SPOCK1: variants seen among roughly 807,000 people sequenced by gnomAD.
SPOCK1 encodes SPARC (osteonectin), cwcv and kazal like domains proteoglycan 1, also known as testican-1.
A neutral mutation model predicts 55.3 loss-of-function variants in SPOCK1; 23 were observed. The ratio of observed to expected loss-of-function variants is 0.42; its 90% CI spans 0.30 to 0.59. The LOEUF (loss-of-function observed/expected upper bound fraction) is 0.59. Among genes scored for constraint, SPOCK1 ranks in the 20% least tolerant of loss-of-function variants. SPOCK1 has a pLI of 0.22. For synonymous variants in SPOCK1, 226 were observed against 221.0 expected (o/e 1.02, Z -0.20); for missense variants, 499 against 552.5 (o/e 0.90, Z 0.97).
At chr5:137,088,799 G>T (rs1753005384) in intron 5 of SPOCK1, among the ~76,000 whole-genome samples, 1 of 152,176 alleles carries the variant, frequency 6.6e-6, no homozygotes, top group Admixed American at 6.5e-5. Context: ...CATGGGGGTT[G>T]AAAGATGGAA....
intron 2 of SPOCK1, among the ~76,000 whole-genome samples, chr5:137,361,971 C>T (rs80046826): frequency 6.6e-6 from 1 of 152,278 alleles, no homozygotes; most frequent in Non-Finnish European, 1.5e-5. Flanking sequence ...CTTAAGTGTT[C>T]CTCTCAGCCC....
At chr5:137,244,340 T>C (rs1044661486) in intron 3 of SPOCK1, among the ~76,000 whole-genome samples, 1 of 152,212 alleles carries the variant, frequency 6.6e-6, no homozygotes, top group Non-Finnish European at 1.5e-5. Context: ...GGAAACCCAC[T>C]GTCTTTAAGG....
At chr5:137,406,489 C>T (rs739699) in intron 2 of SPOCK1, among the ~76,000 whole-genome samples, 120,017 of 152,144 alleles carry the variant, frequency 0.79, 47,704 homozygotes, top group East Asian at 0.91. Context: ...CAGTCTATCC[C>T]GAGCACTGGA....
intron 3 of SPOCK1, among the ~76,000 whole-genome samples, chr5:137,231,853 C>T (rs1022395502): frequency 6.6e-6 from 1 of 152,246 alleles, no homozygotes; most frequent in African/African-American, 2.4e-5. Flanking sequence ...AGTTTCTCCA[C>T]AACCTTGCCA....
At chr5:137,213,178 C>A (rs567736868) in intron 3 of SPOCK1, among the ~76,000 whole-genome samples, 2 of 152,166 alleles carry the variant, frequency 1.3e-5, no homozygotes, top group Non-Finnish European at 2.9e-5. Flanking sequence ...CACCCCAGCA[C>A]CACTGTAGTC....
chr5:137,402,710 G>GT (rs1439692346), intron 2 of SPOCK1, among the ~76,000 whole-genome samples: 1 of 152,170 alleles, frequency 6.6e-6, no homozygotes, highest in Admixed American at 6.5e-5. Flanking sequence ...ATTTCACTGA[G>GT]TGAGGGGAAA....
chr5:137,308,058 CA>C (rs1757729350), intron 2 of SPOCK1, among the ~76,000 whole-genome samples: 1 of 152,168 alleles, frequency 6.6e-6, no homozygotes, highest in African/African-American at 2.4e-5. Context: ...AGTAAATGCT[CA>C]ACAAACAGCA....
chr5:137,040,977 C>CA (rs1397679360), intron 6 of SPOCK1, among the ~76,000 whole-genome samples: 5 of 152,024 alleles, frequency 3.3e-5, no homozygotes, highest in Admixed American at 2.6e-4. Context: ...ATGTATCAGG[C>CA]AAAAAGGCTA....
intron 3 of SPOCK1, among the ~76,000 whole-genome samples, chr5:137,196,000 T>C (rs1362662714): frequency 6.6e-6 from 1 of 152,142 alleles, no homozygotes; most frequent in Non-Finnish European, 1.5e-5. Context: ...AATAACTCTC[T>C]CAGGCCACCC....
intron 8 of SPOCK1, among the ~76,000 whole-genome samples, chr5:136,985,510 T>TATCA (rs1252821052): frequency 2.6e-5 from 4 of 151,828 alleles, no homozygotes; most frequent in African/African-American, 9.7e-5. Context: ...TTTTCCTTTC[T>TATCA]ATCAGGAAGC....
chr5:137,300,380 G>T (rs1036296534), intron 2 of SPOCK1, among the ~76,000 whole-genome samples: 1 of 152,084 alleles, frequency 6.6e-6, no homozygotes, highest in African/African-American at 2.4e-5. Flanking sequence ...TCATCTAATT[G>T]TCTAATAACC....
At chr5:137,012,946 T>G (rs766425423) in intron 6 of SPOCK1, among the ~76,000 whole-genome samples, 5 of 152,052 alleles carry the variant, frequency 3.3e-5, no homozygotes, top group Non-Finnish European at 5.9e-5. Context: ...ACATGGAAAA[T>G]GTTTATGATA....
At chr5:137,245,936 A>T in intron 3 of SPOCK1, among the ~76,000 whole-genome samples, 1 of 152,224 alleles carries the variant, frequency 6.6e-6, no homozygotes, top group Non-Finnish European at 1.5e-5. Context: ...GTTTAAACTA[A>T]TGTTGTCCCA....
chr5:137,129,412 G>T (rs1167776601), intron 4 of SPOCK1, among the ~76,000 whole-genome samples: 1 of 152,220 alleles, frequency 6.6e-6, no homozygotes, highest in African/African-American at 2.4e-5. Context: ...TAGAAAAAGA[G>T]TTTAATGCGG....
intron 2 of SPOCK1, among the ~76,000 whole-genome samples, chr5:137,391,601 T>C (rs768025699): frequency 9.2e-5 from 14 of 152,220 alleles, no homozygotes; most frequent in Middle Eastern, 3.4e-3. Context: ...GCTTATCCTT[T>C]TCTCCCAGCC....
At chr5:137,376,684 G>A (rs775597499) in intron 2 of SPOCK1, among the ~76,000 whole-genome samples, 1 of 152,088 alleles carries the variant, frequency 6.6e-6, no homozygotes, top group Non-Finnish European at 1.5e-5. Context: ...GTAACTCCTG[G>A]ACTTATCTTA....
rs533415376 is a variant in SPOCK1, at chr5:137,499,001, CA to C, written c.-1+177del. On this transcript the variant is annotated intron_variant, in intron 1 of 10. Coordinates refer to ENST00000394945, the MANE Select transcript of SPOCK1 (RefSeq NM_004598.4). ...CGGCAAGCGGGGTGGGGGCTGCCAGCAGCTGGGGGTCCCCGGCGACAGCTAA... is the reference window on the plus strand; with the variant it reads ...CGGCAAGCGGGGTGGGGGCTGCCAGCGCTGGGGGTCCCCGGCGACAGCTAA... Among the ~76,000 whole-genome samples the C allele has an allele frequency of 2.5e-3, 380 of 152,026 alleles. 1 individual carries two copies. The highest frequency in any genetic ancestry group is 4.2e-3 in the South Asian group (20 of 4,810).
intron 2 of SPOCK1, among the ~76,000 whole-genome samples, chr5:137,287,274 C>T (rs1245541948): frequency 6.6e-6 from 1 of 152,210 alleles, no homozygotes; most frequent in African/African-American, 2.4e-5. Flanking sequence ...GTATGTCCTG[C>T]TCATCATGCC....
chr5:137,154,955 G>C (rs1754386850), intron 3 of SPOCK1, among the ~76,000 whole-genome samples: 1 of 152,226 alleles, frequency 6.6e-6, no homozygotes, highest in Admixed American at 6.5e-5. Flanking sequence ...GACACAGCCA[G>C]TTCCAAATCT....
Sources: allele counts gnomAD v4.1 joint callset (sites outside exome capture counted in the v4.1 genomes callset), GRCh38; gene constraint gnomAD v4.1.1; transcripts MANE v1.5; gene names NCBI Gene and HGNC (gene_info 2026-07-23, HGNC 2026-07-21).